The following PCDH11X variants were observed in gnomAD, a reference collection of about 807,000 sequenced individuals.
The protein encoded by PCDH11X is protocadherin 11 X-linked.
PCDH11X carries 18 observed loss-of-function variants against 53.3 expected under a neutral mutation model. The ratio of observed to expected loss-of-function variants is 0.34; its 90% confidence interval spans 0.23 to 0.50. PCDH11X has a LOEUF of 0.50. Among genes scored for constraint, PCDH11X ranks in the 20% least tolerant of loss-of-function variants. The pLI is 0.98. For missense variants in PCDH11X, 570 were observed against 1,032.4 expected, an observed-to-expected ratio of 0.55 and a Z score of 6.14; for synonymous variants, 279 against 393.3, an observed-to-expected ratio of 0.71 and a Z score of 3.44.
At chrX:92,191,260 G>A (rs1471229268) in intron 6 of PCDH11X, among the ~76,000 whole-genome samples, 1 of 111,915 alleles carries the variant, frequency 8.9e-6, no homozygotes, top group Non-Finnish European at 1.9e-5. Flanking sequence ...TTTATTTCCA[G>A]TCATATTTCA....
At chrX:92,107,184 A>G (rs2064403234) in intron 6 of PCDH11X, among the ~76,000 whole-genome samples, 1 of 111,249 alleles carries the variant, frequency 9.0e-6, no homozygotes, top group Non-Finnish European at 1.9e-5. Flanking sequence ...TCCAGATGGA[A>G]CCAATGTAAA....
intron 1 of PCDH11X, among the ~76,000 whole-genome samples, chrX:91,802,823 A>G (rs1935979189): frequency 9.0e-6 from 1 of 111,651 alleles, no homozygotes; most frequent in Non-Finnish European, 1.9e-5. Context: ...TATCAGTGGA[A>G]CTATCTTCTG....
intron 6 of PCDH11X, among the ~76,000 whole-genome samples, chrX:92,095,965 T>G (rs2064127208): frequency 8.9e-6 from 1 of 112,125 alleles, no homozygotes; most frequent in Admixed American, 9.5e-5. Flanking sequence ...ATGCATTTTT[T>G]CTTTTAGAAA....
chrX:91,805,549 T>A (rs370277417), intron 1 of PCDH11X, among the ~76,000 whole-genome samples: 1 of 111,451 alleles, frequency 9.0e-6, no homozygotes. Context: ...GCACGGTGGC[T>A]CATACCTGTA....
At chrX:91,972,594 A>C (rs1340118074) in intron 6 of PCDH11X, among the ~76,000 whole-genome samples, 94 of 107,736 alleles carry the variant, frequency 8.7e-4, no homozygotes, top group African/African-American at 3.1e-3. Flanking sequence ...CTAACGTTTA[A>C]GTCTTTAATC....
At chrX:92,049,702 A>G (rs60251763) in intron 6 of PCDH11X, among the ~76,000 whole-genome samples, 10,225 of 111,344 alleles carry the variant, frequency 0.092, 1,001 homozygotes, top group African/African-American at 0.29. Context: ...TTGTTTAGTT[A>G]TTATATTTTT....
At chrX:92,593,465 A>G (rs1925245032) in intron 10 of PCDH11X, among the ~76,000 whole-genome samples, 1 of 112,217 alleles carries the variant, frequency 8.9e-6, no homozygotes. Context: ...TTTTACATGC[A>G]TGTTGTGAAA....
At chrX:91,932,594 G>T (rs988408132) in intron 6 of PCDH11X, among the ~76,000 whole-genome samples, 2 of 100,054 alleles carry the variant, frequency 2.0e-5, no homozygotes, top group Non-Finnish European at 4.1e-5. Context: ...AATGGAGGAA[G>T]AGAGCAGAGA....
chrX:92,202,791 G>A (rs2066413258), intron 7 of PCDH11X, among the ~76,000 whole-genome samples: 1 of 111,507 alleles, frequency 9.0e-6, no homozygotes, highest in African/African-American at 3.3e-5. Flanking sequence ...GAAGGCCGAG[G>A]AGTGTGGATC....
intron 8 of PCDH11X, among the ~76,000 whole-genome samples, chrX:92,278,806 GTT>G (rs35000823): frequency 0.014 from 669 of 47,389 alleles, 16 homozygotes; most frequent in African/African-American, 0.055. Flanking sequence ...TCTCTTTTCA[GTT>G]TTTTTTTTTT....
chrX:92,312,007 C>G (rs1465712091), intron 8 of PCDH11X, among the ~76,000 whole-genome samples: 3 of 110,835 alleles, frequency 2.7e-5, no homozygotes, highest in South Asian at 3.8e-4. Flanking sequence ...AAAAGATGAT[C>G]TTTTGAAAAT....
intron 10 of PCDH11X, among the ~76,000 whole-genome samples, chrX:92,609,999 A>C (rs1469350172): frequency 1.8e-5 from 2 of 111,848 alleles, no homozygotes; most frequent in Non-Finnish European, 3.8e-5. Flanking sequence ...TCCACCACTG[A>C]TGGTCACCTA....
chrX:92,151,261 C>T (rs1464215924), intron 6 of PCDH11X, among the ~76,000 whole-genome samples: 1 of 110,567 alleles, frequency 9.0e-6, no homozygotes, highest in Non-Finnish European at 1.9e-5. Flanking sequence ...GGCGCCATCT[C>T]GGCTCACTGC....
chrX:92,001,596 C>A (rs1367906715), intron 6 of PCDH11X, among the ~76,000 whole-genome samples: 1 of 107,587 alleles, frequency 9.3e-6, no homozygotes, highest in Non-Finnish European at 1.9e-5. Flanking sequence ...AGCCTCCTGA[C>A]TAGCTGGGAT....
chrX:92,045,093 T>C (rs1253843891), intron 6 of PCDH11X, among the ~76,000 whole-genome samples: 1 of 99,285 alleles, frequency 1.0e-5, no homozygotes, highest in East Asian at 3.8e-4. Flanking sequence ...CTTTCTAAAA[T>C]GACAACATAG....
At chrX:92,068,134 T>A (rs1035136175) in intron 6 of PCDH11X, among the ~76,000 whole-genome samples, 6 of 110,122 alleles carry the variant, frequency 5.4e-5, no homozygotes, top group Non-Finnish European at 9.4e-5. Flanking sequence ...TATGTTGTTT[T>A]CCTCATTTCA....
At chrX:92,285,225 G>T (rs1421281469) in intron 8 of PCDH11X, among the ~76,000 whole-genome samples, 2 of 103,957 alleles carry the variant, frequency 1.9e-5, no homozygotes. Flanking sequence ...ATAGAGTATG[G>T]ATTTTCTGTT....
intron 6 of PCDH11X, among the ~76,000 whole-genome samples, chrX:92,131,379 G>A (rs1163538299): frequency 1.8e-5 from 2 of 111,423 alleles, no homozygotes; most frequent in Non-Finnish European, 3.8e-5. Flanking sequence ...GTGAAACACA[G>A]CAAGAGTTAT....
At chrX:92,531,591 A>C (rs2074556044) in intron 10 of PCDH11X, among the ~76,000 whole-genome samples, 1 of 91,535 alleles carries the variant, frequency 1.1e-5, no homozygotes, top group South Asian at 6.2e-4. Flanking sequence ...TTAAATAAGC[A>C]GCTAAATACT....
Sources: gnomAD v4.1 joint callset for allele counts (sites outside exome capture counted in the v4.1 genomes callset) on GRCh38, gnomAD v4.1.1 for gene constraint, MANE v1.5 for transcripts, NCBI Gene and HGNC (gene_info 2026-07-23, HGNC 2026-07-21) for gene names.